CUL3: variants seen among roughly 807,000 people sequenced by gnomAD.
CUL3 encodes cullin 3.
CUL3 carries 19 observed loss-of-function variants against 89.1 expected under a neutral mutation model. The ratio of observed to expected loss-of-function variants is 0.21; its 90% CI spans 0.15 to 0.31. CUL3 has a LOEUF of 0.31. Among genes scored for constraint, CUL3 ranks in the 10% least tolerant of loss-of-function variants. The pLI is 1.00. For synonymous variants in CUL3, 351 were observed against 308.4 expected, an observed-to-expected ratio of 1.14 and a Z score of -1.45; for missense variants, 469 against 942.3, an observed-to-expected ratio of 0.50 and a Z score of 6.58.
intron 14 of CUL3, 152 bp from the exon 15 acceptor site, chr2:224,478,497 G>A: frequency 1.8e-6 from 1 of 547,164 alleles, no homozygotes; most frequent in Admixed American, 3.6e-5. Context: ...TTCAGAAACT[G>A]TCTTAATGTT....
At chr2:224,502,282 T>C (rs1692422282) in intron 10 of CUL3, among the ~76,000 whole-genome samples, 1 of 152,184 alleles carries the variant, frequency 6.6e-6, no homozygotes, top group Non-Finnish European at 1.5e-5. Flanking sequence ...TACACGGTGA[T>C]TTTAAAAATT....
chr2:224,550,108 G>T (rs895594747), intron 2 of CUL3, among the ~76,000 whole-genome samples: 10 of 152,060 alleles, frequency 6.6e-5, no homozygotes, highest in African/African-American at 2.4e-4. Flanking sequence ...TTTACTTCCA[G>T]GGCTTTAAAT....
chr2:224,578,551 C>T (rs1446402868), intron 1 of CUL3, among the ~76,000 whole-genome samples: 1 of 151,954 alleles, frequency 6.6e-6, no homozygotes, highest in Non-Finnish European at 1.5e-5. Context: ...ATTAGAAAAG[C>T]TACTAAAATA....
At chr2:224,540,400 T>C (rs980324917) in intron 2 of CUL3, among the ~76,000 whole-genome samples, 4 of 149,160 alleles carry the variant, frequency 2.7e-5, no homozygotes, top group Non-Finnish European at 5.9e-5. Flanking sequence ...CCAAACTTTA[T>C]ATTTAAAAAA....
At chr2:224,500,604 T>TA (rs1402526096) in intron 10 of CUL3, 117 bp from the exon 11 acceptor site, 66 of 851,688 alleles carry the variant, frequency 7.7e-5, no homozygotes, top group South Asian at 1.7e-4. Context: ...ATATCTAATT[T>TA]AAAAAAAAGC....
At chr2:224,495,783 TGA>T (rs1312189479) in intron 13 of CUL3, 47 bp downstream of exon 13, 1 of 1,494,338 alleles carries the variant, frequency 6.7e-7, no homozygotes, top group Non-Finnish European at 9.2e-7. Flanking sequence ...AAGTAACAAG[TGA>T]GAGTTAGAAA....
chr2:224,518,244 T>C (rs1386047937), intron 3 of CUL3, among the ~76,000 whole-genome samples: 3 of 152,186 alleles, frequency 2.0e-5, no homozygotes, highest in African/African-American at 7.2e-5. Context: ...CTTTGGTGTC[T>C]GATTTCCTTC....
At chr2:224,532,700 C>T (rs1403378880) in intron 3 of CUL3, among the ~76,000 whole-genome samples, 1 of 152,148 alleles carries the variant, frequency 6.6e-6, no homozygotes, top group Non-Finnish European at 1.5e-5. Context: ...TGCAGGGGTT[C>T]ACCAGAGAAT....
At chr2:224,580,513 A>T (rs530564158) in intron 1 of CUL3, among the ~76,000 whole-genome samples, 2 of 152,210 alleles carry the variant, frequency 1.3e-5, no homozygotes, top group East Asian at 3.9e-4. Context: ...GCGAAACCCC[A>T]TCACTACTTA....
intron 1 of CUL3, among the ~76,000 whole-genome samples, chr2:224,574,749 C>G (rs1465177960): frequency 6.6e-6 from 1 of 152,202 alleles, no homozygotes; most frequent in African/African-American, 2.4e-5. Flanking sequence ...AGTGATACCA[C>G]TATTAGCATT....
At chr2:224,532,198 T>G (rs1320471084) in intron 3 of CUL3, among the ~76,000 whole-genome samples, 2 of 151,952 alleles carry the variant, frequency 1.3e-5, no homozygotes, top group African/African-American at 4.8e-5. Context: ...GAGACACAAT[T>G]TGGGAATCAT....
chr2:224,480,580 A>C (rs1405986177), intron 14 of CUL3, among the ~76,000 whole-genome samples: 1 of 152,198 alleles, frequency 6.6e-6, no homozygotes, highest in Non-Finnish European at 1.5e-5. Context: ...ATCTATGAAG[A>C]CTTTTTTAAA....
At chr2:224,560,653 ACTT>A (rs1276627701) in intron 1 of CUL3, 1 of 152,444 alleles carries the variant, frequency 6.6e-6, no homozygotes, top group African/African-American at 2.4e-5. Context: ...CTTTCTCACC[ACTT>A]CCACTGCTAC....
chr2:224,494,783 A>G (rs1295932354), intron 13 of CUL3, among the ~76,000 whole-genome samples: 2 of 152,184 alleles, frequency 1.3e-5, no homozygotes, highest in Non-Finnish European at 2.9e-5. Flanking sequence ...TAAAAGCTAA[A>G]ATTACGAACT....
chr2:224,504,658 T>C (rs529775577), intron 8 of CUL3, among the ~76,000 whole-genome samples: 10 of 152,318 alleles, frequency 6.6e-5, no homozygotes, highest in South Asian at 2.1e-4. Flanking sequence ...GTTGTATTAA[T>C]ATATTTGAAA....
intron 3 of CUL3, among the ~76,000 whole-genome samples, chr2:224,526,375 C>T (rs988483806): frequency 4.6e-5 from 7 of 151,976 alleles, no homozygotes; most frequent in African/African-American, 1.4e-4. Flanking sequence ...CACCTGAGGT[C>T]GAAAGTTCGA....
intron 1 of CUL3, 147 bp from the exon 2 acceptor site, chr2:224,558,003 C>A (rs957097736): frequency 1.9e-6 from 1 of 540,090 alleles, no homozygotes; most frequent in East Asian, 2.9e-5. Flanking sequence ...ACATTAACAA[C>A]CTATTTTAAC....
chr2:224,491,957 T>A (rs181882210), intron 13 of CUL3, among the ~76,000 whole-genome samples: 155 of 152,354 alleles, frequency 1.0e-3, no homozygotes, highest in African/African-American at 3.6e-3. Context: ...TAAATCCTTT[T>A]TGAACACAGT....
At chr2:224,522,352 T>G (rs1295999376) in intron 3 of CUL3, among the ~76,000 whole-genome samples, 1 of 152,206 alleles carries the variant, frequency 6.6e-6, no homozygotes, top group Non-Finnish European at 1.5e-5. Context: ...GATCGAAGTT[T>G]AAAGAACTTT....
Sources: gnomAD v4.1 joint callset for allele counts (sites outside exome capture counted in the v4.1 genomes callset) on GRCh38, gnomAD v4.1.1 for gene constraint, MANE v1.5 for transcripts, NCBI Gene and HGNC (gene_info 2026-07-23, HGNC 2026-07-21) for gene names.